The following LRRC3B variants were observed in gnomAD, a reference collection of about 807,000 sequenced individuals.
The protein encoded by LRRC3B is leucine-rich repeat-containing protein 3B.
In LRRC3B, 2 loss-of-function variants were observed where a neutral mutation model predicts 12.8. The ratio of observed to expected loss-of-function variants is 0.16; its 90% CI spans 0.06 to 0.49. The LOEUF (loss-of-function observed/expected upper bound fraction) is 0.49, where lower values mean the gene tolerates loss of function less well. Among genes scored for constraint, LRRC3B ranks in the 20% least tolerant of loss-of-function variants. LRRC3B has a pLI of 0.96. For synonymous variants in LRRC3B, 132 were observed against 122.0 expected (o/e 1.08, Z -0.54); for missense variants, 189 against 319.4 (o/e 0.59, Z 3.11).
intron 1 of LRRC3B, among the ~76,000 whole-genome samples, chr3:26,677,436 G>A (rs1339169168): frequency 2.0e-5 from 3 of 152,174 alleles, no homozygotes; most frequent in South Asian, 2.1e-4. Context: ...GCCTGTGATC[G>A]ACTTGCACTG....
chr3:26,697,665 A>T (rs1247192790), intron 1 of LRRC3B, among the ~76,000 whole-genome samples: 3 of 152,148 alleles, frequency 2.0e-5, no homozygotes, highest in Non-Finnish European at 1.5e-5. Flanking sequence ...ATCATATTCA[A>T]ACATCCCCCA....
chr3:26,709,484 C>CTAAT, intron 1 of LRRC3B, 29 bp from the exon 2 acceptor site: 1 of 615,372 alleles, frequency 1.6e-6, no homozygotes. Flanking sequence ...TGCAAAGGAA[C>CTAAT]TAATTGCATC....
exon 2 of LRRC3B, chr3:26,709,613 C>T: frequency 1.3e-6 from 2 of 1,552,370 alleles, no homozygotes; most frequent in Middle Eastern, 1.7e-4. Context: ...GGGCTGGAAC[C>T]TTTACCACGC....
At chr3:26,710,078 C>G in exon 2 of LRRC3B, 1 of 1,614,104 alleles carries the variant, frequency 6.2e-7, no homozygotes, top group Non-Finnish European at 8.5e-7. Flanking sequence ...CTTCAATAAC[C>G]TGAAGGCCAG....
chr3:26,629,881 T>C (rs547064995), intron 1 of LRRC3B, among the ~76,000 whole-genome samples: 1 of 146,736 alleles, frequency 6.8e-6, no homozygotes, highest in Admixed American at 7.1e-5. Flanking sequence ...GCCAGCCAAG[T>C]CAGGAGGGCC....
intron 1 of LRRC3B, among the ~76,000 whole-genome samples, chr3:26,671,350 G>GTATGTATATATATATATATA (rs1553603719): frequency 1.8e-5 from 1 of 56,746 alleles, no homozygotes; most frequent in Non-Finnish European, 3.0e-5. Context: ...ATATATGTGT[G>GTATGTATATATATATATATA]TATATATATA....
In LRRC3B at chr3:26,709,625, T is replaced by G. The variant is rs532292304; in HGVS notation, c.-48T>G. 383 of 1,580,844 alleles carry G rather than the reference T, an allele frequency of 2.4e-4. 2 individuals carry two copies. The highest frequency in any genetic ancestry group is 2.4e-3 in the Middle Eastern group (14 of 5,902). On this transcript the variant is annotated 5_prime_UTR_variant, in exon 2 of 2. Transcript: ENST00000396641. ...ACAGGGCTGGAACCTTTACCACGCT[T>G]GTTGGAGTAGATGAGGAATGGGCTC...
intron 1 of LRRC3B, among the ~76,000 whole-genome samples, chr3:26,635,099 G>A (rs13070978): frequency 0.45 from 68,507 of 151,868 alleles, 16,611 homozygotes; most frequent in Middle Eastern, 0.56. Flanking sequence ...TACTACCTCT[G>A]CTTCTGGAAC....
At chr3:26,681,969 A>G (rs1699979916) in intron 1 of LRRC3B, among the ~76,000 whole-genome samples, 1 of 152,114 alleles carries the variant, frequency 6.6e-6, no homozygotes, top group South Asian at 2.1e-4. Flanking sequence ...ATATCCTACG[A>G]TAAAGTTTAA....
chr3:26,684,596 C>T (rs939555284), intron 1 of LRRC3B, among the ~76,000 whole-genome samples: 2 of 152,186 alleles, frequency 1.3e-5, no homozygotes, highest in Non-Finnish European at 2.9e-5. Flanking sequence ...GGCCCTCTTG[C>T]TGCACCACCA....
At chr3:26,657,215 A>C (rs1699389772) in intron 1 of LRRC3B, among the ~76,000 whole-genome samples, 1 of 152,222 alleles carries the variant, frequency 6.6e-6, no homozygotes, top group Non-Finnish European at 1.5e-5. Flanking sequence ...AATGAAATAA[A>C]AATAGTAAAT....
At chr3:26,652,795 A>G (rs1176671341) in intron 1 of LRRC3B, among the ~76,000 whole-genome samples, 1 of 152,154 alleles carries the variant, frequency 6.6e-6, no homozygotes, top group East Asian at 1.9e-4. Flanking sequence ...TAAAATTCTA[A>G]CAGTTATAAC....
chr3:26,645,895 C>T (rs865856795), intron 1 of LRRC3B, among the ~76,000 whole-genome samples: 1 of 152,046 alleles, frequency 6.6e-6, no homozygotes, highest in Non-Finnish European at 1.5e-5. Context: ...ATTCTTAATT[C>T]CCCTAGCCTT....
intron 1 of LRRC3B, among the ~76,000 whole-genome samples, chr3:26,650,901 A>G (rs545223104): frequency 5.5e-4 from 84 of 152,302 alleles, no homozygotes; most frequent in African/African-American, 1.9e-3. Context: ...TCTTGGTGCC[A>G]TGTATTCCTG....
rs892430586 is a variant in LRRC3B, at chr3:26,628,454, C to T, written c.-161+5217C>T. Among the ~76,000 whole-genome samples the T allele has an allele frequency of 2.7e-5, 4 of 147,364 alleles. No individual in the cohort carries two copies. The South Asian group carries it at 8.5e-4, about 31-fold the overall frequency. ...AAAAAAAAAAAGCTCAGAGTAGGAC[C>T]TGAGAAGCTTTACCCTTATTGATTT... On this transcript the variant is annotated intron_variant, in intron 1 of 1. Transcript: ENST00000396641.
chr3:26,684,176 T>C (rs1700027091), intron 1 of LRRC3B, among the ~76,000 whole-genome samples: 2 of 152,222 alleles, frequency 1.3e-5, no homozygotes. Context: ...TCCAGCCCTC[T>C]CTGTGCTTTC....
chr3:26,698,926 T>G (rs1232874599), intron 1 of LRRC3B, among the ~76,000 whole-genome samples: 1 of 152,174 alleles, frequency 6.6e-6, no homozygotes, highest in African/African-American at 2.4e-5. Flanking sequence ...ATAATGTCCC[T>G]TTCTAGCATT....
At chr3:26,706,734 A>G (rs1210075995) in intron 1 of LRRC3B, among the ~76,000 whole-genome samples, 1 of 152,218 alleles carries the variant, frequency 6.6e-6, no homozygotes, top group Non-Finnish European at 1.5e-5. Context: ...TTAAGTATAA[A>G]GAAGCCTGCT....
chr3:26,675,566 C>T (rs775029801), intron 1 of LRRC3B, among the ~76,000 whole-genome samples: 10 of 152,106 alleles, frequency 6.6e-5, no homozygotes, highest in Non-Finnish European at 1.3e-4. Context: ...TTTTGCCAAA[C>T]AGCATGTGAA....
Sources: gnomAD v4.1 joint callset for allele counts (sites outside exome capture counted in the v4.1 genomes callset) on GRCh38, gnomAD v4.1.1 for gene constraint, MANE v1.5 for transcripts, NCBI Gene and HGNC (gene_info 2026-07-23, HGNC 2026-07-21) for gene names.